The following GDF1 variants were observed in gnomAD, a reference collection of about 807,000 sequenced individuals.
The protein encoded by GDF1 is growth differentiation factor 1.
Under a neutral mutation model 7.4 loss-of-function variants are expected in GDF1, and 8 were observed. The observed-to-expected ratio is 1.09, with a 90% CI of 0.64 to 1.96. The LOEUF is 1.96. GDF1 is among the 30% of genes most tolerant of loss of function. The pLI is 0.00. For missense variants in GDF1, 574 were observed against 551.5 expected (o/e 1.04, Z -0.41); for synonymous variants, 311 against 276.7 (o/e 1.12, Z -1.23).
chr19:18,869,028 G>C lies in GDF1; in HGVS notation c.688C>G (p.Leu230Val). ...ACCAGCAGCAGCGAGGCCTCGGCCA[G>C]GCGCGCGCAGGCGGCAGGGGCCCGG... Reference protein sequence around the residue: ...RPRAPAACARLAEASLLLVTL... With the variant: ...RPRAPAACARVAEASLLLVTL... Residue 230 changes from leucine to valine, a missense_variant, in exon 8 of 8, where the codon CTG becomes GTG. Physicochemically the swap from Leu to Val is conservative, Grantham distance 32. Coordinates refer to ENST00000247005, the MANE Select transcript of GDF1 (RefSeq NM_001492.6). The C allele has an allele frequency of 4.6e-6, 5 of 1,076,544 alleles. No homozygotes were observed. Among genetic ancestry groups the C allele is most frequent in the Non-Finnish European group, 5.6e-6 (5 of 889,630 alleles). The allele number at this position is 1,076,544 out of a possible 1,614,324, so 66.7% of individuals were successfully genotyped here. A position where few individuals can be genotyped will look rare whatever the true frequency, so the allele number is the denominator to read the frequency against.
At chr19:18,871,169 C>T (rs988136655) in intron 6 of GDF1, among the ~76,000 whole-genome samples, 18 of 151,962 alleles carry the variant, frequency 1.2e-4, no homozygotes, top group African/African-American at 4.1e-4. Context: ...TGGATCCTCC[C>T]ACCTCAGCCT....
At chr19:18,882,358 C>T (rs1181227410) in intron 3 of GDF1, among the ~76,000 whole-genome samples, 3 of 151,712 alleles carry the variant, frequency 2.0e-5, no homozygotes, top group Admixed American at 6.6e-5. Flanking sequence ...ACTAACCAGA[C>T]GTGGTGGCTC....
chr19:18,870,270 A>AGGT lies in GDF1; in HGVS notation c.35_37dup (p.His12dup). On this transcript the variant is annotated inframe_insertion, in exon 7 of 8. Coordinates refer to ENST00000247005, the MANE Select transcript of GDF1 (RefSeq NM_001492.6). This position sits in a 1 kb window ranked among gnomAD's most constrained non-coding sequence, Gnocchi z 5.1. ...CAGCAGCAGGGCCAGGAGGAGGAGG[A>AGGT]GGTGGTGGCCGCAGGGACCTTGCTG... 2 of 1,545,392 alleles carry AGGT rather than the reference A, an allele frequency of 1.3e-6. No individual in the cohort carries two copies. Among genetic ancestry groups the AGGT allele is most frequent in the Non-Finnish European group, 1.7e-6 (2 of 1,146,978 alleles).
chr19:18,895,204 C>T lies in GDF1; in HGVS notation c.-1074+620G>A, dbSNP rs113661269. Among the ~76,000 whole-genome samples the T allele has an allele frequency of 5.9e-5, 9 of 152,358 alleles. No individual in the cohort carries two copies. The highest frequency in any genetic ancestry group is 2.2e-4 in the African/African-American group (9 of 41,590). On this transcript the variant is annotated intron_variant, in intron 1 of 7. Coordinates refer to ENST00000247005, the MANE Select transcript of GDF1 (RefSeq NM_001492.6). This position sits in a 1 kb window ranked among gnomAD's most constrained non-coding sequence, Gnocchi z 6.4. ...CCCTGGTCGGAGGGTGGCGCTGACC[C>T]CAGATAGGCACAAGGCAGCGACCGG...
At position 18,869,390 on chromosome 19, in the gene GDF1, C is replaced by G; in HGVS notation, c.326G>C (p.Gly109Ala). ...GNIVRHIPDR[G>A]APTRASEPAS... The stretch of plus-strand genomic sequence containing the variant: ...AGGCTCCGAGGCCCGGGTGGGCGCA[C>G]CTGGGGAGGTAGGAACAGGAACTCG... The change falls in exon 8 of 8, where the codon GGT becomes GCT. Residue 109 changes from glycine to alanine, a missense_variant and splice_region_variant. Transcript: ENST00000247005. 6.5e-7 allele frequency: 1 copy of G among 1,528,208 alleles called. No individual in the cohort carries two copies. The highest frequency in any genetic ancestry group is 8.7e-7 in the Non-Finnish European group (1 of 1,144,184). The allele number at this position is 1,528,208 out of a possible 1,614,324, so 94.7% of individuals were successfully genotyped here.
At chr19:18,891,078 C>T (rs531721975) in intron 2 of GDF1, among the ~76,000 whole-genome samples, 3 of 151,042 alleles carry the variant, frequency 2.0e-5, no homozygotes, top group East Asian at 1.9e-4. Flanking sequence ...GAGCCGAGAT[C>T]GTGCCATTGC....
rs1404753439 is a variant in GDF1, at chr19:18,895,875, G to T, written c.-1125C>A. 6 of 1,284,706 alleles carry T rather than the reference G, an allele frequency of 4.7e-6. No homozygotes were observed. Among genetic ancestry groups the T allele is most frequent in the Non-Finnish European group, 4.9e-6 (5 of 1,017,074 alleles). 79.6% of individuals were successfully genotyped at this position (1,284,706 alleles called of 1,614,324 possible). On this transcript the variant is annotated 5_prime_UTR_variant, in exon 1 of 8. Coordinates refer to ENST00000247005, the MANE Select transcript of GDF1 (RefSeq NM_001492.6). The surrounding 1 kb of genome is among the most constrained non-coding windows in gnomAD (Gnocchi z 6.4). ...AGCGCAGGGCGGTCCAGCCCAGCGC[G>T]CCGAGCGCCAGCAGCAGCAGCTCGG...
chr19:18,874,374 G>C (rs1056135722), intron 6 of GDF1, among the ~76,000 whole-genome samples: 10 of 152,184 alleles, frequency 6.6e-5, no homozygotes, highest in African/African-American at 2.4e-4. Context: ...TGCAGTCATG[G>C]CTCACTGCAG....
chr19:18,891,426 C>A (rs1306461897), intron 2 of GDF1, among the ~76,000 whole-genome samples: 1 of 152,216 alleles, frequency 6.6e-6, no homozygotes, highest in East Asian at 1.9e-4. Context: ...CCTACATCAG[C>A]CTGCCCAGTG....
At chr19:18,887,921 C>G (rs2056400182) in intron 2 of GDF1, among the ~76,000 whole-genome samples, 1 of 152,106 alleles carries the variant, frequency 6.6e-6, no homozygotes, top group Non-Finnish European at 1.5e-5. Context: ...CCATTCCCCT[C>G]CCCCAGCCCT....
At position 18,893,320 on chromosome 19, in the gene GDF1, T is replaced by C. The variant is rs537111344; in HGVS notation, c.-914+96A>G. ...GCCTCCAACTCCTGGGCTCCAGTGA[T>C]CCTCCTGCTTCTGCCTCATGAGTAG... On this transcript the variant is annotated intron_variant, in intron 2 of 7. Coordinates refer to ENST00000247005, the MANE Select transcript of GDF1 (RefSeq NM_001492.6). The C allele has an allele frequency of 7.3e-4, 1,007 of 1,379,782 alleles. 3 individuals carry two copies. The highest frequency in any genetic ancestry group is 9.1e-4 in the Non-Finnish European group (932 of 1,020,892). The allele number at this position is 1,379,782 out of a possible 1,614,324, so 85.5% of individuals were successfully genotyped here.
intron 2 of GDF1, among the ~76,000 whole-genome samples, chr19:18,886,618 A>G (rs2056368426): frequency 6.6e-6 from 1 of 152,148 alleles, no homozygotes; most frequent in Admixed American, 6.6e-5. Flanking sequence ...TGCTCTGCCC[A>G]CACCAACCTG....
chr19:18,877,801 A>C, intron 6 of GDF1: 1 of 160,818 alleles, frequency 6.2e-6, no homozygotes, highest in Non-Finnish European at 1.3e-5. Flanking sequence ...CTCAAAGGAC[A>C]GCGCAATCTA....
Position 18,895,681 on chromosome 19 carries a change from C to T in GDF1, c.-1074+143G>A, listed in dbSNP as rs2056607921. 1 of 344,786 alleles carries T rather than the reference C, an allele frequency of 2.9e-6. No individual in the cohort carries two copies. Among genetic ancestry groups the T allele is most frequent in the Non-Finnish European group, 4.7e-6 (1 of 211,132 alleles). 21.4% of individuals were successfully genotyped at this position (344,786 alleles called of 1,614,324 possible). ...TCCAACGTCCTGGGCCTCTCCAGCC[C>T]GAGGCCCCCACCCACGTTCCGGCGA... is the stretch of plus-strand genomic sequence containing the variant. On this transcript the variant is annotated intron_variant, in intron 1 of 7. Transcript: ENST00000247005. This position sits in a 1 kb window ranked among gnomAD's most constrained non-coding sequence, Gnocchi z 6.4.
intron 2 of GDF1, among the ~76,000 whole-genome samples, chr19:18,892,878 G>C (rs1032027676): frequency 7.2e-5 from 11 of 151,910 alleles, no homozygotes; most frequent in African/African-American, 2.7e-4. Context: ...GACACCCATA[G>C]GAGCTCTGAT....
chr19:18,893,350 G>A (rs1280517116), intron 2 of GDF1, 66 bp downstream of exon 2: 1 of 1,506,798 alleles, frequency 6.6e-7, no homozygotes, highest in Non-Finnish European at 8.9e-7. Flanking sequence ...GAGTAGCTGG[G>A]ACCACAAGCC....
intron 6 of GDF1, among the ~76,000 whole-genome samples, chr19:18,875,200 C>A (rs112931905): frequency 1.3e-5 from 2 of 149,924 alleles, no homozygotes; most frequent in Non-Finnish European, 3.0e-5. Context: ...TGAGCCAGTG[C>A]GCTCCAGCGT....
In GDF1 at chr19:18,878,059, C is replaced by T. The variant is rs1029677818; in HGVS notation, c.-313+871G>A. ...TTAAATGTCTGCATCTCGCACCTCCCGTTCCAAAAAACGTCACGGAGCTCT... is the reference window on the plus strand; with the variant it reads ...TTAAATGTCTGCATCTCGCACCTCCTGTTCCAAAAAACGTCACGGAGCTCT... On this transcript the variant is annotated intron_variant, in intron 6 of 7. Transcript: ENST00000247005. This position sits in a 1 kb window ranked among gnomAD's most constrained non-coding sequence, Gnocchi z 4.6. The T allele has an allele frequency of 1.0e-5, 10 of 985,412 alleles. No individual in the cohort carries two copies. Among genetic ancestry groups the T allele is most frequent in the East Asian group, 2.3e-4 (2 of 8,818 alleles). 61.0% of individuals were successfully genotyped at this position (985,412 alleles called of 1,614,324 possible).
chr19:18,884,042 G>A (rs773933814), intron 3 of GDF1, 45 bp downstream of exon 3: 2 of 1,585,144 alleles, frequency 1.3e-6, no homozygotes, highest in African/African-American at 1.3e-5. Context: ...TCCGCACTCT[G>A]TGTGGGCTGT....
Sources: gnomAD v4.1 joint callset for allele counts (sites outside exome capture counted in the v4.1 genomes callset) on GRCh38, gnomAD v4.1.1 for gene constraint, Gnocchi (gnomAD v3.1) non-coding constraint, MANE v1.5 for transcripts, NCBI Gene and HGNC (gene_info 2026-07-23, HGNC 2026-07-21) for gene names.